The following BMPER variants were observed in gnomAD, a reference collection of about 807,000 sequenced individuals.
The protein encoded by BMPER is BMP-binding endothelial regulator protein.
BMPER carries 45 observed loss-of-function variants against 87.3 expected under a neutral mutation model. The ratio of observed to expected loss-of-function variants is 0.52; its 90% CI spans 0.41 to 0.66. BMPER has a LOEUF of 0.66. Among genes scored for constraint, BMPER ranks in the 30% least tolerant of loss-of-function variants. The probability of loss-of-function intolerance (pLI) is 0.00; values close to 1 mark genes in which losing one functional copy is unlikely to be tolerated. For synonymous variants in BMPER, 326 were observed against 316.2 expected (o/e 1.03, Z -0.33); for missense variants, 784 against 867.5 (o/e 0.90, Z 1.21).
In BMPER at chr7:34,051,999, A is replaced by C. The variant is rs374678509; in HGVS notation, c.786+29A>C. On this transcript the variant is annotated intron_variant, in intron 8 of 14. Coordinates refer to ENST00000649409, the MANE Select transcript of BMPER (RefSeq NM_001365308.1). ...AGGCAGCTCTGAGAGGCTGTGGTCCAGCAATGATAGGGTTTGGGTTTCAGT... is the reference window on the plus strand; with the variant it reads ...AGGCAGCTCTGAGAGGCTGTGGTCCCGCAATGATAGGGTTTGGGTTTCAGT... 118 of 1,566,448 alleles carry C rather than the reference A, an allele frequency of 7.5e-5. No homozygotes were observed. The African/African-American group carries it at 1.5e-3, about 20-fold the overall frequency.
intron 13 of BMPER, among the ~76,000 whole-genome samples, chr7:34,137,476 T>G (rs1790749026): frequency 6.6e-6 from 1 of 152,260 alleles, no homozygotes; most frequent in African/African-American, 2.4e-5. Flanking sequence ...TTTACTGAGC[T>G]GTGTGTTCAC....
rs75949536 is a variant in BMPER at position 34,074,801 on chromosome 7, C to T, written c.1079-4056C>T. On this transcript the variant is annotated intron_variant, in intron 11 of 14. Transcript: ENST00000649409. ...CATTTTAAAGACGGGAGAAACCTTA[C>T]GACATGTTAAGTAAAAAATAGAAAA... Among the ~76,000 whole-genome samples the T allele has an allele frequency of 2.5e-3, 387 of 152,222 alleles. 1 individual carries two copies. Among genetic ancestry groups the T allele is most frequent in the South Asian group, 0.021 (103 of 4,816 alleles).
At chr7:33,977,290 T>C (rs79692351) in intron 6 of BMPER, among the ~76,000 whole-genome samples, 1 of 150,900 alleles carries the variant, frequency 6.6e-6, no homozygotes, top group South Asian at 2.1e-4. Context: ...AAAAAAAAAG[T>C]AATGTCTTGG....
chr7:34,128,491 T>C (rs1790461041), intron 13 of BMPER, among the ~76,000 whole-genome samples: 1 of 152,324 alleles, frequency 6.6e-6, no homozygotes, highest in East Asian at 1.9e-4. Flanking sequence ...AAAAGAATTT[T>C]AAAAAGGAAA....
In BMPER at chr7:34,021,411, T is replaced by C. The variant is rs114193729; in HGVS notation, c.577-24895T>C. 8.4e-3 allele frequency among the ~76,000 whole-genome samples: 1,284 copies of C among 152,160 alleles called. 24 individuals carry two copies. The highest frequency in any genetic ancestry group is 0.03 in the African/African-American group (1,226 of 41,552). On this transcript the variant is annotated intron_variant, in intron 6 of 14. Transcript: ENST00000649409. Reference sequence around the variant, plus strand: ...AGTAATTTTTATGTAGTCATGACCCTAAGAAGAAGTATTTATTGGTCCTAT... The same window carrying C: ...AGTAATTTTTATGTAGTCATGACCCCAAGAAGAAGTATTTATTGGTCCTAT...
intron 6 of BMPER, among the ~76,000 whole-genome samples, chr7:34,032,425 G>A (rs1434554178): frequency 6.6e-6 from 1 of 152,044 alleles, no homozygotes; most frequent in African/African-American, 2.4e-5. Flanking sequence ...CCATTATCTG[G>A]AGTATGGTAT....
At chr7:34,032,042 T>C (rs1332176230) in intron 6 of BMPER, among the ~76,000 whole-genome samples, 2 of 149,344 alleles carry the variant, frequency 1.3e-5, no homozygotes, top group Non-Finnish European at 3.0e-5. Flanking sequence ...TTAACATTTA[T>C]TGAGCATTTA....
chr7:33,938,295 C>T (rs1784660804), intron 3 of BMPER, among the ~76,000 whole-genome samples: 1 of 152,146 alleles, frequency 6.6e-6, no homozygotes, highest in Admixed American at 6.5e-5. Flanking sequence ...CAGAGTGTTC[C>T]CCAAATTTCA....
intron 13 of BMPER, among the ~76,000 whole-genome samples, chr7:34,135,383 C>T (rs761550157): frequency 6.6e-6 from 1 of 152,066 alleles, no homozygotes; most frequent in Non-Finnish European, 1.5e-5. Flanking sequence ...AGCAGGGACA[C>T]ATTGAGTGAT....
chr7:33,946,627 G>A (rs868131643), intron 3 of BMPER, among the ~76,000 whole-genome samples: 16 of 152,248 alleles, frequency 1.1e-4, no homozygotes, highest in Middle Eastern at 6.8e-3. Context: ...TCTGTAATAA[G>A]TTTTTGTTTG....
chr7:33,984,156 C>T (rs953253512), intron 6 of BMPER, among the ~76,000 whole-genome samples: 1 of 151,948 alleles, frequency 6.6e-6, no homozygotes, highest in Non-Finnish European at 1.5e-5. Flanking sequence ...GCCTCTGCTC[C>T]CAAAAATAGA....
intron 6 of BMPER, among the ~76,000 whole-genome samples, chr7:34,004,254 G>C (rs1786665983): frequency 6.6e-6 from 1 of 151,908 alleles, no homozygotes; most frequent in Non-Finnish European, 1.5e-5. Context: ...TCTTTTTGAT[G>C]CTTTTTTATT....
intron 10 of BMPER, among the ~76,000 whole-genome samples, chr7:34,060,042 T>G (rs79866647): frequency 0.071 from 10,808 of 152,238 alleles, 557 homozygotes; most frequent in African/African-American, 0.14. Flanking sequence ...CTAATCTCAT[T>G]TAATGCTAAC....
Position 34,040,604 on chromosome 7 carries a change from A to G in BMPER, c.577-5702A>G, listed in dbSNP as rs146126043. 1.5e-3 allele frequency among the ~76,000 whole-genome samples: 225 copies of G among 152,290 alleles called. 2 individuals carry two copies. The South Asian group carries it at 0.015, about 10-fold the overall frequency. The stretch of plus-strand genomic sequence containing the variant: ...AGCACCCTGAATAGAATGAGGAGCC[A>G]CTAAAAGTTTTAAAGCATGGAAATG... On this transcript the variant is annotated intron_variant, in intron 6 of 14. Coordinates refer to ENST00000649409, the MANE Select transcript of BMPER (RefSeq NM_001365308.1).
intron 10 of BMPER, among the ~76,000 whole-genome samples, chr7:34,059,678 C>G (rs981983058): frequency 6.7e-6 from 1 of 150,320 alleles, no homozygotes; most frequent in Non-Finnish European, 1.5e-5. Context: ...TAACTCAGCT[C>G]TATCTACCAT....
chr7:33,975,104 T>C (rs1452309221), intron 6 of BMPER, among the ~76,000 whole-genome samples: 4 of 152,168 alleles, frequency 2.6e-5, no homozygotes, highest in African/African-American at 4.8e-5. Flanking sequence ...CAATGGGCCA[T>C]GGAGGCCAAA....
At chr7:34,012,626 C>T (rs958154160) in intron 6 of BMPER, among the ~76,000 whole-genome samples, 5 of 151,702 alleles carry the variant, frequency 3.3e-5, no homozygotes, top group Non-Finnish European at 5.9e-5. Context: ...GAGGTATACA[C>T]CATCTCAAAA....
At position 33,950,820 on chromosome 7, in the gene BMPER, C is replaced by CA. The variant is rs764363532; in HGVS notation, c.319+13433dup. On this transcript the variant is annotated intron_variant, in intron 3 of 14. Coordinates refer to ENST00000649409, the MANE Select transcript of BMPER (RefSeq NM_001365308.1). ...GGATACAGCTTAGAATTCTACCAAC[C>CA]ATACCCAGAGCAGCTTTGGGACACA... Among the ~76,000 whole-genome samples, 3 of 152,272 alleles carry CA rather than the reference C, an allele frequency of 2.0e-5. No individual in the cohort carries two copies. The South Asian group carries it at 6.2e-4, about 32-fold the overall frequency.
intron 13 of BMPER, among the ~76,000 whole-genome samples, chr7:34,090,223 A>T (rs1412368988): frequency 1.3e-5 from 2 of 152,338 alleles, no homozygotes; most frequent in Middle Eastern, 3.4e-3. Context: ...TTAGTGCATT[A>T]TAGAAATTCC....
Sources: gnomAD v4.1 joint callset for allele counts (sites outside exome capture counted in the v4.1 genomes callset) on GRCh38, gnomAD v4.1.1 for gene constraint, MANE v1.5 for transcripts, NCBI Gene and HGNC (gene_info 2026-07-23, HGNC 2026-07-21) for gene names.